Variants in PIP4K2A observed in about 807,000 individuals in gnomAD.
The protein encoded by PIP4K2A is phosphatidylinositol-5-phosphate 4-kinase type 2 alpha.
In PIP4K2A, 14 loss-of-function variants were observed where a neutral mutation model predicts 42.9. That is an observed-to-expected ratio of 0.33 (90% confidence interval 0.22 to 0.51). PIP4K2A has a LOEUF of 0.51. PIP4K2A is among the 20% of genes least tolerant of loss of function. The probability of loss-of-function intolerance (pLI) is 0.97; values close to 1 mark genes in which losing one functional copy is unlikely to be tolerated. For missense variants in PIP4K2A, 434 were observed against 519.8 expected, an observed-to-expected ratio of 0.83 and a Z score of 1.61; for synonymous variants, 192 against 192.2, an observed-to-expected ratio of 1.00 and a Z score of 0.01.
At chr10:22,569,655 C>CTG (rs145635674) in intron 5 of PIP4K2A, among the ~76,000 whole-genome samples, 60 of 151,286 alleles carry the variant, frequency 4.0e-4, no homozygotes, top group South Asian at 1.3e-3. Context: ...GTGTGTGTGT[C>CTG]TGTGTGTGTG....
intron 1 of PIP4K2A, among the ~76,000 whole-genome samples, chr10:22,685,461 G>A (rs931984058): frequency 2.0e-5 from 3 of 152,172 alleles, no homozygotes; most frequent in African/African-American, 7.2e-5. Flanking sequence ...TTGGGAGGCT[G>A]AGGCAGGAGG....
chr10:22,585,203 C>T (rs1837366034), intron 4 of PIP4K2A, among the ~76,000 whole-genome samples: 2 of 152,314 alleles, frequency 1.3e-5, no homozygotes, highest in South Asian at 4.1e-4. Context: ...GTAACACCAA[C>T]GTCCCTAACC....
intron 4 of PIP4K2A, among the ~76,000 whole-genome samples, 193 bp downstream of exon 4, chr10:22,591,436 G>C (rs1837508522): frequency 6.6e-6 from 1 of 152,216 alleles, no homozygotes; most frequent in Non-Finnish European, 1.5e-5. Context: ...GACCTTTATA[G>C]CACAAGCATG....
chr10:22,542,325 C>A (rs1038508325), intron 7 of PIP4K2A, among the ~76,000 whole-genome samples: 24 of 152,224 alleles, frequency 1.6e-4, no homozygotes, highest in Admixed American at 1.6e-3. Flanking sequence ...CTGGATTTCA[C>A]CAGATAGCAA....
At chr10:22,569,657 G>C (rs774166736) in intron 5 of PIP4K2A, among the ~76,000 whole-genome samples, 1 of 151,416 alleles carries the variant, frequency 6.6e-6, no homozygotes, top group Admixed American at 6.6e-5. Context: ...GTGTGTGTCT[G>C]TGTGTGTGTG....
chr10:22,705,532 C>T (rs1833806859), intron 1 of PIP4K2A, among the ~76,000 whole-genome samples: 1 of 150,800 alleles, frequency 6.6e-6, no homozygotes, highest in Admixed American at 6.6e-5. Context: ...CCTAAATTCC[C>T]CCACCAGCTT....
intron 3 of PIP4K2A, among the ~76,000 whole-genome samples, chr10:22,605,125 C>T (rs556740737): frequency 2.0e-5 from 3 of 152,120 alleles, no homozygotes; most frequent in South Asian, 4.1e-4. Flanking sequence ...AAGAAATATA[C>T]GACTGAGGAG....
intron 6 of PIP4K2A, among the ~76,000 whole-genome samples, chr10:22,564,783 TCTC>T (rs1289529746): frequency 6.6e-6 from 1 of 152,200 alleles, no homozygotes; most frequent in Non-Finnish European, 1.5e-5. Flanking sequence ...CATTTTCTTC[TCTC>T]CTCCTTACCT....
chr10:22,690,351 A>T (rs1251409503), intron 1 of PIP4K2A, among the ~76,000 whole-genome samples: 1 of 152,218 alleles, frequency 6.6e-6, no homozygotes, highest in Non-Finnish European at 1.5e-5. Flanking sequence ...GAACTCAGGC[A>T]CTATGCTACA....
chr10:22,553,399 C>T (rs1000520338), intron 6 of PIP4K2A, among the ~76,000 whole-genome samples: 2 of 152,200 alleles, frequency 1.3e-5, no homozygotes, highest in African/African-American at 2.4e-5. Context: ...GTTCCTGGAC[C>T]TCTCCAGCCT....
At chr10:22,578,914 T>C (rs1316113710) in intron 4 of PIP4K2A, among the ~76,000 whole-genome samples, 1 of 152,238 alleles carries the variant, frequency 6.6e-6, no homozygotes, top group Non-Finnish European at 1.5e-5. Flanking sequence ...CTCTCCGCTC[T>C]CTTTATAATT....
chr10:22,664,154 C>CATATAT lies in PIP4K2A; in HGVS notation c.144+50023_144+50028dup, dbSNP rs66781717. On this transcript the variant is annotated intron_variant, in intron 1 of 9. Coordinates refer to ENST00000376573, the MANE Select transcript of PIP4K2A (RefSeq NM_005028.5). ...ACATATATATATACATATATATACA[C>CATATAT]ATATATATATATACATATATATATA... 2.9e-3 allele frequency among the ~76,000 whole-genome samples: 179 copies of CATATAT among 62,276 alleles called. 4 individuals are homozygous for CATATAT. The highest frequency in any genetic ancestry group is 4.4e-3 in the East Asian group (13 of 2,964). 40.9% of individuals were successfully genotyped at this position (62,276 alleles called of 152,430 possible). A position where few individuals can be genotyped will look rare whatever the true frequency, so the allele number is the denominator to read the frequency against.
intron 1 of PIP4K2A, chr10:22,646,230 T>A (rs1419969125): frequency 6.6e-6 from 1 of 152,196 alleles, no homozygotes. Context: ...TTTGGGGATG[T>A]GATGTGCCTC....
At chr10:22,559,971 A>C (rs554013030) in intron 6 of PIP4K2A, among the ~76,000 whole-genome samples, 2 of 152,204 alleles carry the variant, frequency 1.3e-5, no homozygotes, top group African/African-American at 4.8e-5. Flanking sequence ...CCTTCACCCA[A>C]ATCTCCCTTT....
chr10:22,689,411 G>A (rs1839818981), intron 1 of PIP4K2A, among the ~76,000 whole-genome samples: 1 of 152,118 alleles, frequency 6.6e-6, no homozygotes, highest in Admixed American at 6.5e-5. Flanking sequence ...ATGTAACTAG[G>A]CCTACCATGG....
intron 3 of PIP4K2A, among the ~76,000 whole-genome samples, chr10:22,599,590 T>A (rs1260719992): frequency 6.6e-6 from 1 of 152,212 alleles, no homozygotes; most frequent in Non-Finnish European, 1.5e-5. Context: ...TGCTTCTAAG[T>A]TTGCTCCTAG....
At chr10:22,553,188 G>C (rs1836453740) in intron 6 of PIP4K2A, among the ~76,000 whole-genome samples, 1 of 152,162 alleles carries the variant, frequency 6.6e-6, no homozygotes, top group African/African-American at 2.4e-5. Flanking sequence ...AAGACTTAAG[G>C]GCTTACTGAA....
chr10:22,682,643 C>T (rs538539618), intron 1 of PIP4K2A, among the ~76,000 whole-genome samples: 4 of 152,274 alleles, frequency 2.6e-5, no homozygotes, highest in South Asian at 2.1e-4. Flanking sequence ...AGCAGGAACC[C>T]GCTGACAAGC....
At chr10:22,706,876 A>G (rs1833833017) in intron 1 of PIP4K2A, among the ~76,000 whole-genome samples, 1 of 152,226 alleles carries the variant, frequency 6.6e-6, no homozygotes, top group South Asian at 2.1e-4. Context: ...TAACTCAAAA[A>G]TACACAAGGA....
Sources: allele counts gnomAD v4.1 joint callset (sites outside exome capture counted in the v4.1 genomes callset), GRCh38; gene constraint gnomAD v4.1.1; transcripts MANE v1.5; gene names NCBI Gene and HGNC (gene_info 2026-07-23, HGNC 2026-07-21).